Variants in PTH2R observed in about 807,000 individuals in gnomAD.
PTH2R encodes the protein parathyroid hormone 2 receptor, also known as PTH2 receptor.
PTH2R carries 59 observed loss-of-function variants against 60.3 expected under a neutral mutation model. That is an observed-to-expected ratio of 0.98 (90% confidence interval 0.79 to 1.22). The LOEUF (loss-of-function observed/expected upper bound fraction) is 1.22, where lower values mean the gene tolerates loss of function less well. PTH2R is among the 50% of genes most tolerant of loss of function. The pLI is 0.00. For missense variants in PTH2R, 749 were observed against 682.6 expected (o/e 1.10, Z -1.08); for synonymous variants, 256 against 243.8 (o/e 1.05, Z -0.47).
chr2:208,371,443 T>C (rs1346711075), intron 1 of PTH2R, among the ~76,000 whole-genome samples: 2 of 152,154 alleles, frequency 1.3e-5, no homozygotes, highest in East Asian at 3.8e-4. Context: ...TCAGTTGGTA[T>C]ATAAACCCTT....
chr2:208,365,960 A>ATT (rs1172950601), intron 1 of PTH2R, among the ~76,000 whole-genome samples: 5 of 16,118 alleles, frequency 3.1e-4, no homozygotes, highest in South Asian at 4.5e-3. Context: ...ATATATATAT[A>ATT]TTTTTTTTTT....
intron 10 of PTH2R, among the ~76,000 whole-genome samples, chr2:208,487,442 A>T (rs573863141): frequency 6.6e-6 from 1 of 152,336 alleles, no homozygotes; most frequent in South Asian, 2.1e-4. Flanking sequence ...TCACAGAGAA[A>T]GGGAGATATT....
At chr2:208,481,335 C>T (rs925161898) in intron 10 of PTH2R, among the ~76,000 whole-genome samples, 171 bp downstream of exon 10, 8 of 151,762 alleles carry the variant, frequency 5.3e-5, no homozygotes, top group Non-Finnish European at 8.8e-5. Flanking sequence ...CTCAGCCTCC[C>T]GAGTAGCTGG....
intron 2 of PTH2R, among the ~76,000 whole-genome samples, chr2:208,436,321 C>T (rs1406016249): frequency 6.6e-6 from 1 of 152,004 alleles, no homozygotes; most frequent in Non-Finnish European, 1.5e-5. Context: ...GAGGGCAGAC[C>T]CTATGGGCAC....
chr2:208,395,930 C>T (rs1288748074), intron 1 of PTH2R, among the ~76,000 whole-genome samples: 2 of 152,138 alleles, frequency 1.3e-5, no homozygotes, highest in South Asian at 2.1e-4. Context: ...GCTACTGTAA[C>T]CAAAACAGCA....
chr2:208,467,409 T>G (rs1702777963), intron 9 of PTH2R, among the ~76,000 whole-genome samples: 1 of 152,190 alleles, frequency 6.6e-6, no homozygotes, highest in Admixed American at 6.5e-5. Flanking sequence ...TCAACCAGAA[T>G]GTGGTGTGCA....
At chr2:208,433,886 G>A (rs1166589546) in intron 2 of PTH2R, among the ~76,000 whole-genome samples, 1 of 152,312 alleles carries the variant, frequency 6.6e-6, no homozygotes. Flanking sequence ...AATAATTACA[G>A]AGTTATAATT....
chr2:208,493,356 A>G lies in PTH2R; in HGVS notation c.1350A>G (p.Ser450=), dbSNP rs1290443916. 2 of 1,595,986 alleles carry G rather than the reference A, an allele frequency of 1.3e-6. No individual in the cohort carries two copies. Among genetic ancestry groups the G allele is most frequent in the East Asian group, 4.5e-5 (2 of 44,502 alleles). Residue 450 remains serine, a synonymous_variant, in exon 13 of 13, where the codon TCA becomes TCG. Transcript: ENST00000272847. The part of the protein sequence containing the change: ...TPPCGSRRCG[S]VLTTVTHSTS... Reference sequence around the variant, plus strand: ...CATGTGGCAGCCGCAGATGCGGCTCAGTGCTCACCACCGTGACGCACAGCA... The same window carrying G: ...CATGTGGCAGCCGCAGATGCGGCTCGGTGCTCACCACCGTGACGCACAGCA...
chr2:208,465,655 G>A (rs530897127), intron 9 of PTH2R, among the ~76,000 whole-genome samples: 2 of 151,938 alleles, frequency 1.3e-5, no homozygotes, highest in East Asian at 1.9e-4. Context: ...CGCCCGCCTC[G>A]GCCTCCCAAA....
At chr2:208,467,829 G>T (rs1292427759) in intron 9 of PTH2R, among the ~76,000 whole-genome samples, 1 of 152,098 alleles carries the variant, frequency 6.6e-6, no homozygotes, top group African/African-American at 2.4e-5. Flanking sequence ...CTGACCAAAG[G>T]CCTATCTAAT....
intron 1 of PTH2R, among the ~76,000 whole-genome samples, chr2:208,425,551 C>G (rs1020154020): frequency 6.6e-6 from 1 of 152,236 alleles, no homozygotes; most frequent in African/African-American, 2.4e-5. Flanking sequence ...TCTGGGCAGA[C>G]TGCCTGGCCC....
At chr2:208,437,420 T>A in intron 2 of PTH2R, 117 bp from the exon 3 acceptor site, 1 of 708,294 alleles carries the variant, frequency 1.4e-6, no homozygotes, top group Non-Finnish European at 2.3e-6. Flanking sequence ...AAACTACCAA[T>A]TTGTTTTAAT....
At chr2:208,451,680 A>G (rs577879657) in intron 8 of PTH2R, among the ~76,000 whole-genome samples, 8 of 152,324 alleles carry the variant, frequency 5.3e-5, no homozygotes, top group African/African-American at 1.9e-4. Context: ...CTATAGCAGA[A>G]TTAAATATTT....
At chr2:208,406,477 T>C (rs150829550), upstream of PTH2R, among the ~76,000 whole-genome samples, 2 of 152,188 alleles carry the variant, frequency 1.3e-5, no homozygotes, top group Non-Finnish European at 2.9e-5. Context: ...TTAGCCATCT[T>C]ATCGCTGTCC....
At chr2:208,390,736 G>C (rs1224997040) in intron 1 of PTH2R, among the ~76,000 whole-genome samples, 5 of 152,200 alleles carry the variant, frequency 3.3e-5, no homozygotes, top group African/African-American at 1.2e-4. Context: ...GCAAATAGTA[G>C]AGTGAGTATA....
chr2:208,383,134 T>G (rs1438543241), intron 1 of PTH2R, among the ~76,000 whole-genome samples: 1 of 152,266 alleles, frequency 6.6e-6, no homozygotes, highest in Non-Finnish European at 1.5e-5. Flanking sequence ...TAGAAATTCA[T>G]CAGTGGGAAA....
intron 2 of PTH2R, 92 bp downstream of exon 2, chr2:208,428,395 T>C: frequency 1.2e-6 from 1 of 833,278 alleles, no homozygotes; most frequent in Non-Finnish European, 1.9e-6. Context: ...GTTAGGGAGA[T>C]CCTTATCAGT....
chr2:208,450,501 C>G (rs1365263656), intron 7 of PTH2R, among the ~76,000 whole-genome samples: 1 of 152,126 alleles, frequency 6.6e-6, no homozygotes, highest in Non-Finnish European at 1.5e-5. Flanking sequence ...CCCTACACCC[C>G]TCAGATGAAA....
chr2:208,467,640 A>T (rs1702782976), intron 9 of PTH2R, among the ~76,000 whole-genome samples: 1 of 152,168 alleles, frequency 6.6e-6, no homozygotes, highest in African/African-American at 2.4e-5. Flanking sequence ...ATTGGAGGAA[A>T]AACAAGCTTG....
Sources: gnomAD v4.1 joint callset for allele counts (sites outside exome capture counted in the v4.1 genomes callset) on GRCh38, gnomAD v4.1.1 for gene constraint, MANE v1.5 for transcripts, NCBI Gene and HGNC (gene_info 2026-07-23, HGNC 2026-07-21) for gene names.